Variants in UGT2B7 observed in about 807,000 individuals in gnomAD.
UGT2B7 encodes UDP glucuronosyltransferase family 2 member B7, also known as UDP-glucuronosyltransferase 2B7.
A neutral mutation model predicts 51.9 loss-of-function variants in UGT2B7; 51 were observed. The observed-to-expected ratio is 0.98, with a 90% confidence interval of 0.78 to 1.24. The LOEUF is 1.24. Ranked by LOEUF, UGT2B7 falls within the 50% of genes most tolerant of loss-of-function variation. The probability of loss-of-function intolerance (pLI) is 0.00; values close to 1 mark genes in which losing one functional copy is unlikely to be tolerated. For missense variants in UGT2B7, 727 were observed against 628.4 expected (o/e 1.16, Z -1.68); for synonymous variants, 225 against 211.6 (o/e 1.06, Z -0.55).
chr4:69,055,205 G>A (rs1442428674), intron 1 of UGT2B7, among the ~76,000 whole-genome samples: 1 of 149,508 alleles, frequency 6.7e-6, no homozygotes, highest in Non-Finnish European at 1.5e-5. Flanking sequence ...ATAAGATGTG[G>A]TTCTCTAAAT....
chr4:69,075,169 C>A (rs1275211700), intron 1 of UGT2B7, among the ~76,000 whole-genome samples: 1 of 152,042 alleles, frequency 6.6e-6, no homozygotes, highest in Non-Finnish European at 1.5e-5. Flanking sequence ...AACTCAATAG[C>A]TTAAATTTGT....
chr4:69,079,589 T>A (rs56879009), intron 1 of UGT2B7, among the ~76,000 whole-genome samples: 65,221 of 152,004 alleles, frequency 0.43, 15,544 homozygotes, highest in African/African-American at 0.64. Flanking sequence ...GAAGTATATT[T>A]TCATACCTGA....
upstream of UGT2B7, among the ~76,000 whole-genome samples, chr4:69,094,084 A>C (rs1719154254): frequency 6.6e-6 from 1 of 151,924 alleles, no homozygotes; most frequent in Admixed American, 6.6e-5. Flanking sequence ...TACTAAAATA[A>C]AGCAAATATT....
intron 1 of UGT2B7, among the ~76,000 whole-genome samples, chr4:69,063,277 C>A (rs2109864038): frequency 7.2e-6 from 1 of 139,742 alleles, no homozygotes; most frequent in Admixed American, 7.8e-5. Context: ...CGAGATCGTG[C>A]CACTGTACTC....
At chr4:69,087,313 C>G (rs763740283) in intron 1 of UGT2B7, among the ~76,000 whole-genome samples, 2 of 151,916 alleles carry the variant, frequency 1.3e-5, no homozygotes, top group Non-Finnish European at 2.9e-5. Context: ...GAAAAATAAA[C>G]AGAACTCTGT....
rs1421384625 is a variant in UGT2B7, at chr4:69,085,245, G to T, written c.-158-4227G>T. Among the ~76,000 whole-genome samples, 7 of 151,820 alleles carry T rather than the reference G, an allele frequency of 4.6e-5. No homozygotes were observed. The East Asian group carries it at 1.2e-3, about 25-fold the overall frequency. ...TGATGACGAGCTTTTTTTCATGTTT[G>T]TTGGCTGCATAAATGTCTTTTGAGA... is the stretch of plus-strand genomic sequence containing the variant. On this transcript the variant is annotated intron_variant, in intron 1 of 5. Transcript: ENST00000502942.
chr4:69,076,094 G>A (rs1218233650), intron 1 of UGT2B7, among the ~76,000 whole-genome samples: 3 of 152,122 alleles, frequency 2.0e-5, no homozygotes, highest in Non-Finnish European at 4.4e-5. Context: ...CCATGTCCCT[G>A]CAAAGGACAT....
chr4:69,074,814 C>T (rs529725684), intron 1 of UGT2B7, among the ~76,000 whole-genome samples: 6 of 152,046 alleles, frequency 3.9e-5, no homozygotes, highest in Non-Finnish European at 7.4e-5. Context: ...TCATAGAATT[C>T]GTTCCAATTT....
At chr4:69,070,859 G>A (rs186099826) in intron 1 of UGT2B7, among the ~76,000 whole-genome samples, 7 of 152,120 alleles carry the variant, frequency 4.6e-5, no homozygotes, top group East Asian at 1.9e-4. Flanking sequence ...TTAGCGTGGC[G>A]TTTAGGCAAG....
intron 2 of UGT2B7, among the ~76,000 whole-genome samples, chr4:69,090,218 AC>A (rs1219906558): frequency 6.6e-6 from 1 of 152,174 alleles, no homozygotes; most frequent in Non-Finnish European, 1.5e-5. Flanking sequence ...CTATTTATGC[AC>A]TATCCAGTGA....
At position 69,067,451 on chromosome 4, in the gene UGT2B7, T is replaced by C. The variant is rs79124783; in HGVS notation, c.-159+15849T>C. On this transcript the variant is annotated intron_variant, in intron 1 of 5. Coordinates refer to the UGT2B7 transcript ENST00000502942. ...ATAACTCATGATGGATCCAATGGAA[T>C]GTATGAGAGAATCTATCATGGAATC... The C allele has an allele frequency of 1.4e-3, 224 of 159,222 alleles. 4 individuals are homozygous for C. In the East Asian group the frequency reaches 0.041, roughly 29 times the overall value. The allele number at this position is 159,222 out of a possible 1,614,324, so 9.9% of individuals were successfully genotyped here. A position where few individuals can be genotyped will look rare whatever the true frequency, so the allele number is the denominator to read the frequency against.
intron 2 of UGT2B7, among the ~76,000 whole-genome samples, chr4:69,090,767 T>A (rs780629451): frequency 5.3e-5 from 8 of 152,160 alleles, no homozygotes; most frequent in African/African-American, 7.2e-5. Flanking sequence ...TTTTTAATAG[T>A]CTTTCTAATT....
intron 2 of UGT2B7, among the ~76,000 whole-genome samples, chr4:69,101,591 G>C (rs574100795): frequency 1.3e-5 from 2 of 151,920 alleles, no homozygotes; most frequent in African/African-American, 4.8e-5. Flanking sequence ...GATGCCCCAA[G>C]TATTACCTGG....
In UGT2B7 at chr4:69,096,841, A is replaced by G. The variant is rs140153012; in HGVS notation, c.321A>G (p.Leu107=). 2 of 1,613,688 alleles carry G rather than the reference A, an allele frequency of 1.2e-6. No individual in the cohort carries two copies. Among genetic ancestry groups the G allele is most frequent in the Non-Finnish European group, 1.7e-6 (2 of 1,179,886 alleles). ...ACCTTCCAAAAGATACATTTTGGTT[A>G]TATTTTTCACAAGTACAGGAAATCA... is the stretch of plus-strand genomic sequence containing the variant. The part of the protein sequence containing the change: ...WSDLPKDTFW[L]YFSQVQEIMS... Residue 107 remains leucine, a synonymous_variant, in exon 1 of 6, where the codon TTA becomes TTG. Transcript: ENST00000305231.
upstream of UGT2B7, among the ~76,000 whole-genome samples, chr4:69,092,962 G>GAAA: frequency 7.6e-6 from 1 of 131,510 alleles, no homozygotes; most frequent in African/African-American, 2.7e-5. Flanking sequence ...CCCCACCCCA[G>GAAA]AAAAAAAAAA....
At chr4:69,088,352 T>TG (rs1719007318) in intron 1 of UGT2B7, among the ~76,000 whole-genome samples, 1 of 151,932 alleles carries the variant, frequency 6.6e-6, no homozygotes, top group East Asian at 1.9e-4. Context: ...AAGTGTGTTT[T>TG]TTTCAACTCT....
At chr4:69,058,207 A>G (rs1718253450) in intron 1 of UGT2B7, among the ~76,000 whole-genome samples, 2 of 152,292 alleles carry the variant, frequency 1.3e-5, no homozygotes, top group African/African-American at 4.8e-5. Flanking sequence ...TTTTGCAAGA[A>G]CCACTGGAGG....
intron 2 of UGT2B7, among the ~76,000 whole-genome samples, chr4:69,101,226 CTAAA>C (rs1434991896): frequency 2.0e-5 from 3 of 151,764 alleles, no homozygotes; most frequent in African/African-American, 4.8e-5. Context: ...TTAAAATTAT[CTAAA>C]TAAGTGTCAC....
chr4:69,095,715 A>C (rs1022286594), upstream of UGT2B7, among the ~76,000 whole-genome samples: 1 of 152,206 alleles, frequency 6.6e-6, no homozygotes, highest in African/African-American at 2.4e-5. Flanking sequence ...ACTTTAACAA[A>C]GTTTAAAAAG....
Sources: gnomAD v4.1 joint callset for allele counts (sites outside exome capture counted in the v4.1 genomes callset) on GRCh38, gnomAD v4.1.1 for gene constraint, MANE v1.5 for transcripts, NCBI Gene and HGNC (gene_info 2026-07-23, HGNC 2026-07-21) for gene names.